Variants in TCP11 observed in about 807,000 individuals in gnomAD.
TCP11 encodes t-complex 11, also known as T-complex protein 11 homolog.
Under a neutral mutation model 45.0 loss-of-function variants are expected in TCP11, and 34 were observed. The ratio of observed to expected loss-of-function variants is 0.76; its 90% CI spans 0.57 to 1.01. The LOEUF (loss-of-function observed/expected upper bound fraction) is 1.01. TCP11 is among the 50% of genes least tolerant of loss of function. TCP11 has a pLI of 0.00. For synonymous variants in TCP11, 227 were observed against 227.0 expected (o/e 1.00, Z 0.00); for missense variants, 523 against 598.1 (o/e 0.87, Z 1.31).
At chr6:35,131,094 G>GA (rs1203841967) in intron 3 of TCP11, among the ~76,000 whole-genome samples, 4 of 152,100 alleles carry the variant, frequency 2.6e-5, no homozygotes, top group African/African-American at 9.7e-5. Flanking sequence ...CCAACATGGT[G>GA]AAAACCTATC....
intron 2 of TCP11, chr6:35,140,404 C>T (rs976870988): frequency 6.3e-5 from 33 of 527,014 alleles, no homozygotes; most frequent in Non-Finnish European, 1.1e-4. Flanking sequence ...AAACCCAATT[C>T]CCGTCTGGGA....
At chr6:35,121,824 A>G (rs1209854479) in intron 5 of TCP11, among the ~76,000 whole-genome samples, 1 of 151,968 alleles carries the variant, frequency 6.6e-6, no homozygotes, top group East Asian at 1.9e-4. Context: ...AAAGAAAGAA[A>G]AAAAAAAACC....
chr6:35,130,679 C>A (rs180747262), intron 3 of TCP11, among the ~76,000 whole-genome samples: 3 of 152,128 alleles, frequency 2.0e-5, no homozygotes, highest in African/African-American at 7.2e-5. Context: ...TATATGACAC[C>A]TATTAGAATG....
chr6:35,134,289 TTTTTTG>T (rs1780802527), intron 3 of TCP11, among the ~76,000 whole-genome samples: 1 of 140,218 alleles, frequency 7.1e-6, no homozygotes, highest in Non-Finnish European at 1.5e-5. Flanking sequence ...TTTTTTTTTT[TTTTTTG>T]GTTTTGTTTT....
chr6:35,128,888 TATA>T (rs1237498714), intron 4 of TCP11, 171 bp downstream of exon 4: 57 of 791,650 alleles, frequency 7.2e-5, no homozygotes, highest in Non-Finnish European at 9.2e-5. Context: ...TACTCTCTGT[TATA>T]ATAATTTTTA....
chr6:35,120,012 T>G lies in TCP11; in HGVS notation c.1115+147A>C. ...TTTTTTGTTACACCCTCATGACCAC[T>G]TATGGAAAGAAACCAACAATCTTTG... On this transcript the variant is annotated intron_variant, in intron 8 of 9. Coordinates refer to ENST00000311875, the MANE Select transcript of TCP11 (RefSeq NM_001370687.1). The surrounding 1 kb of genome is among the most constrained non-coding windows in gnomAD (Gnocchi z 4.9). 9.1e-7 allele frequency: 1 copy of G among 1,098,626 alleles called. No individual in the cohort carries two copies. The highest frequency in any genetic ancestry group is 1.3e-6 in the Non-Finnish European group (1 of 793,544). The allele number at this position is 1,098,626 out of a possible 1,614,324, so 68.1% of individuals were successfully genotyped here. A position where few individuals can be genotyped will look rare whatever the true frequency, so the allele number is the denominator to read the frequency against.
chr6:35,126,266 T>C (rs1447952874), intron 4 of TCP11, among the ~76,000 whole-genome samples: 1 of 152,232 alleles, frequency 6.6e-6, no homozygotes, highest in Non-Finnish European at 1.5e-5. Context: ...TCACTGGACC[T>C]CTAACAGTTT....
At chr6:35,121,479 C>A (rs1013903164) in intron 5 of TCP11, among the ~76,000 whole-genome samples, 2 of 149,504 alleles carry the variant, frequency 1.3e-5, no homozygotes, top group Non-Finnish European at 3.0e-5. Context: ...TCATCACTGT[C>A]TCCTCATAGT....
intron 4 of TCP11, among the ~76,000 whole-genome samples, chr6:35,125,342 A>C (rs1779708983): frequency 6.6e-6 from 1 of 152,220 alleles, no homozygotes; most frequent in Admixed American, 6.5e-5. Flanking sequence ...AGACAATCCA[A>C]TTTAAAAATG....
intron 4 of TCP11, among the ~76,000 whole-genome samples, chr6:35,123,652 T>C (rs1351595975): frequency 1.8e-4 from 3 of 16,626 alleles, no homozygotes. Context: ...GTTTTCTTTC[T>C]TTTTTTTTTT....
At chr6:35,139,813 A>G (rs564721134) in intron 2 of TCP11, among the ~76,000 whole-genome samples, 1 of 152,372 alleles carries the variant, frequency 6.6e-6, no homozygotes, top group African/African-American at 2.4e-5. Context: ...TTTAACCGAA[A>G]TAGATTTTAA....
intron 4 of TCP11, among the ~76,000 whole-genome samples, chr6:35,127,581 T>C (rs1291159474): frequency 6.6e-6 from 1 of 152,252 alleles, no homozygotes; most frequent in Non-Finnish European, 1.5e-5. Flanking sequence ...TTATTATATG[T>C]ATGTTTATTT....
intron 4 of TCP11, among the ~76,000 whole-genome samples, chr6:35,126,658 T>A (rs1236696543): frequency 6.9e-6 from 1 of 144,316 alleles, no homozygotes; most frequent in Non-Finnish European, 1.5e-5. Context: ...GACTTTTTTT[T>A]TTTTTTTTTT....
In TCP11 at chr6:35,141,250, G is replaced by A. The variant is rs1781751977; in HGVS notation, c.-60C>T. 1.5e-6 allele frequency: 2 copies of A among 1,301,038 alleles called. No individual in the cohort carries two copies. Among genetic ancestry groups the A allele is most frequent in the Admixed American group, 4.7e-5 (1 of 21,432 alleles). 80.6% of individuals were successfully genotyped at this position (1,301,038 alleles called of 1,614,324 possible). A position where few individuals can be genotyped will look rare whatever the true frequency, so the allele number is the denominator to read the frequency against. On this transcript the variant is annotated 5_prime_UTR_variant, in exon 1 of 10. Coordinates refer to ENST00000311875, the MANE Select transcript of TCP11 (RefSeq NM_001370687.1). ...GTCATCCACTGGCGTCCGCTCGGTGGGCCTCGCGGCCTGGCGGCCTGGAGC... is the reference window on the plus strand; with the variant it reads ...GTCATCCACTGGCGTCCGCTCGGTGAGCCTCGCGGCCTGGCGGCCTGGAGC...
At chr6:35,128,072 T>C (rs1443873470) in intron 4 of TCP11, among the ~76,000 whole-genome samples, 3 of 152,208 alleles carry the variant, frequency 2.0e-5, no homozygotes, top group Non-Finnish European at 4.4e-5. Context: ...AGAACACACA[T>C]TTATGATCTC....
At position 35,140,151 on chromosome 6, in the gene TCP11, A is replaced by G; in HGVS notation, c.124+596T>C. On this transcript the variant is annotated intron_variant, in intron 2 of 9. Transcript: ENST00000311875. The stretch of plus-strand genomic sequence containing the variant: ...GCAAAGCCTCAATCTAATTTTTCGC[A>G]TTTCAATAGTCAAGAATTTTATCTT... 2.5e-6 allele frequency: 4 copies of G among 1,607,842 alleles called. No individual in the cohort carries two copies. In the East Asian group the frequency reaches 9.0e-5, roughly 36 times the overall value.
intron 9 of TCP11, 45 bp downstream of exon 9, chr6:35,119,183 C>T: frequency 1.9e-6 from 3 of 1,606,096 alleles, no homozygotes; most frequent in Non-Finnish European, 2.6e-6. Flanking sequence ...CGGTTGGGAT[C>T]TATCTCTTCC....
chr6:35,140,605 T>TA, intron 2 of TCP11, 142 bp downstream of exon 2: 1 of 694,876 alleles, frequency 1.4e-6, no homozygotes, highest in Non-Finnish European at 2.6e-6. Flanking sequence ...GGCCTGTAAG[T>TA]AAAGGCGGGT....
At chr6:35,124,965 T>A (rs1344746595) in intron 4 of TCP11, among the ~76,000 whole-genome samples, 5 of 151,506 alleles carry the variant, frequency 3.3e-5, no homozygotes, top group Non-Finnish European at 5.9e-5. Flanking sequence ...GCGGATCACC[T>A]GAGGTCAGGA....
Sources: allele counts gnomAD v4.1 joint callset (sites outside exome capture counted in the v4.1 genomes callset), GRCh38; gene constraint gnomAD v4.1.1; non-coding constraint Gnocchi (gnomAD v3.1); transcripts MANE v1.5; gene names NCBI Gene and HGNC (gene_info 2026-07-23, HGNC 2026-07-21).